Variants in LPGAT1 observed in about 807,000 individuals in gnomAD.
The protein encoded by LPGAT1 is lysophosphatidylglycerol acyltransferase 1.
A neutral mutation model predicts 47.5 loss-of-function variants in LPGAT1; 11 were observed. The ratio of observed to expected loss-of-function variants is 0.23; its 90% CI spans 0.15 to 0.38. The LOEUF (loss-of-function observed/expected upper bound fraction) is 0.38. Among genes scored for constraint, LPGAT1 ranks in the 10% least tolerant of loss-of-function variants. The probability of loss-of-function intolerance (pLI) is 1.00; values close to 1 mark genes in which losing one functional copy is unlikely to be tolerated. For synonymous variants in LPGAT1, 138 were observed against 144.2 expected (o/e 0.96, Z 0.31); for missense variants, 293 against 439.0 (o/e 0.67, Z 2.97).
chr1:211,793,101 G>C lies in LPGAT1; in HGVS notation c.328C>G (p.Leu110Val). ...CCTTTGTCCTGGAGGCACATCATCA[G>C]TGTGCACACATCTCCTGTTGCCTGA... ...NHQATGDVCT[L>V]MMCLQDKGLV... is the part of the protein sequence containing the mutation. Residue 110 changes from leucine (L) to valine (V), a missense_variant, in exon 3 of 8, where the codon CTG becomes GTG. By Grantham distance (32) the Leu-to-Val change is conservative. Coordinates refer to ENST00000366997, the MANE Select transcript of LPGAT1 (RefSeq NM_014873.3). 1 of 1,604,774 alleles carries C rather than the reference G, an allele frequency of 6.2e-7. No homozygotes were observed. Among genetic ancestry groups the C allele is most frequent in the Non-Finnish European group, 8.5e-7 (1 of 1,175,370 alleles).
chr1:211,813,526 C>A (rs146679789), intron 2 of LPGAT1, among the ~76,000 whole-genome samples: 1 of 151,920 alleles, frequency 6.6e-6, no homozygotes, highest in African/African-American at 2.4e-5. Flanking sequence ...GGTATTATGT[C>A]GGTACTTATG....
chr1:211,824,383 G>A (rs1190840146), intron 2 of LPGAT1, among the ~76,000 whole-genome samples: 1 of 152,098 alleles, frequency 6.6e-6, no homozygotes, highest in Non-Finnish European at 1.5e-5. Flanking sequence ...GCAATAGAGT[G>A]AGACTGTCTC....
At chr1:211,793,884 G>T (rs1355574533) in intron 2 of LPGAT1, among the ~76,000 whole-genome samples, 1 of 152,110 alleles carries the variant, frequency 6.6e-6, no homozygotes, top group African/African-American at 2.4e-5. Flanking sequence ...GATGTAATAG[G>T]AGAGTATAAA....
chr1:211,795,757 G>A (rs912125852), intron 2 of LPGAT1, among the ~76,000 whole-genome samples: 2 of 151,902 alleles, frequency 1.3e-5, no homozygotes, highest in Non-Finnish European at 2.9e-5. Context: ...GGAGACACAC[G>A]GACATACAAA....
chr1:211,753,459 A>AT (rs1657294536), intron 6 of LPGAT1, among the ~76,000 whole-genome samples: 1 of 151,338 alleles, frequency 6.6e-6, no homozygotes, highest in South Asian at 2.1e-4. Flanking sequence ...ATTGTATTTT[A>AT]TTTTTTTGCT....
intron 2 of LPGAT1, among the ~76,000 whole-genome samples, chr1:211,806,145 G>A (rs561272593): frequency 8.6e-5 from 13 of 151,756 alleles, no homozygotes; most frequent in Middle Eastern, 3.4e-3. Flanking sequence ...CTGTAGTCCC[G>A]GGTACTTGGG....
intron 2 of LPGAT1, among the ~76,000 whole-genome samples, chr1:211,801,256 A>G (rs1161744989): frequency 6.6e-6 from 1 of 152,192 alleles, no homozygotes; most frequent in Non-Finnish European, 1.5e-5. Context: ...TGGGGAGTCA[A>G]TGCAGGGATG....
intron 4 of LPGAT1, among the ~76,000 whole-genome samples, chr1:211,786,857 T>A (rs1488346312): frequency 6.6e-6 from 1 of 152,212 alleles, no homozygotes; most frequent in Non-Finnish European, 1.5e-5. Context: ...GTAATAGTGA[T>A]ACAATAGTAG....
At chr1:211,819,129 T>G (rs2102600161) in intron 2 of LPGAT1, among the ~76,000 whole-genome samples, 1 of 152,224 alleles carries the variant, frequency 6.6e-6, no homozygotes, top group Non-Finnish European at 1.5e-5. Context: ...TCTGGGAAAA[T>G]ACAGATAGCA....
intron 2 of LPGAT1, among the ~76,000 whole-genome samples, chr1:211,821,787 A>G (rs189046015): frequency 1.4e-4 from 21 of 152,326 alleles, no homozygotes; most frequent in Admixed American, 1.4e-3. Context: ...AGAACTAAGA[A>G]TATTAAAGTA....
chr1:211,829,772 G>T (rs1320898309), intron 1 of LPGAT1: 141 of 993,756 alleles, frequency 1.4e-4, no homozygotes, highest in Non-Finnish European at 1.6e-4. Context: ...TCACCACCAC[G>T]ATTCCTGCAC....
At chr1:211,771,917 C>T (rs1354124163) in intron 6 of LPGAT1, among the ~76,000 whole-genome samples, 1 of 152,118 alleles carries the variant, frequency 6.6e-6, no homozygotes, top group Non-Finnish European at 1.5e-5. Flanking sequence ...TAAGAGTCTC[C>T]TATATTTTCT....
chr1:211,826,649 G>A (rs1293818261), intron 2 of LPGAT1, among the ~76,000 whole-genome samples: 2 of 138,942 alleles, frequency 1.4e-5, no homozygotes, highest in African/African-American at 5.4e-5. Flanking sequence ...TACACGGAAT[G>A]TCATAATTTG....
intron 6 of LPGAT1, among the ~76,000 whole-genome samples, chr1:211,755,876 G>A (rs12092289): frequency 6.6e-5 from 10 of 152,250 alleles, no homozygotes; most frequent in East Asian, 3.9e-4. Context: ...ATATAAAAGC[G>A]TTTTGGTTGA....
At chr1:211,754,226 C>G (rs575901993) in intron 6 of LPGAT1, among the ~76,000 whole-genome samples, 1 of 152,092 alleles carries the variant, frequency 6.6e-6, no homozygotes, top group African/African-American at 2.4e-5. Flanking sequence ...GTAGGGGCTG[C>G]GGGATCTGCA....
chr1:211,805,125 AT>A (rs1185027013), intron 2 of LPGAT1, among the ~76,000 whole-genome samples: 13 of 151,764 alleles, frequency 8.6e-5, no homozygotes, highest in Non-Finnish European at 1.9e-4. Context: ...GAAAAAAAAA[AT>A]GGAGAAAATC....
chr1:211,752,335 A>T (rs1657224606), intron 6 of LPGAT1, among the ~76,000 whole-genome samples: 1 of 152,206 alleles, frequency 6.6e-6, no homozygotes, highest in African/African-American at 2.4e-5. Context: ...GCAGGTATAA[A>T]AATAAATAAA....
In LPGAT1 at chr1:211,810,524, C is replaced by T. The variant is rs75982122; in HGVS notation, c.239-17334G>A. On this transcript the variant is annotated intron_variant, in intron 2 of 7. Transcript: ENST00000366997. The stretch of plus-strand genomic sequence containing the variant: ...CATCATCATGTCAGCATCTCATATG[C>T]CCATCATCATGCCAGCATCTCACTT... 7.0e-4 allele frequency among the ~76,000 whole-genome samples: 106 copies of T among 152,176 alleles called. 1 individual carries two copies. The East Asian group carries it at 0.02, about 29-fold the overall frequency.
intron 2 of LPGAT1, among the ~76,000 whole-genome samples, chr1:211,807,460 GA>G (rs199536216): frequency 6.7e-6 from 1 of 149,340 alleles, no homozygotes; most frequent in Non-Finnish European, 1.5e-5. Flanking sequence ...AAATAACTTT[GA>G]AAAAAAAATA....
Sources: gnomAD v4.1 joint callset for allele counts (sites outside exome capture counted in the v4.1 genomes callset) on GRCh38, gnomAD v4.1.1 for gene constraint, MANE v1.5 for transcripts, NCBI Gene and HGNC (gene_info 2026-07-23, HGNC 2026-07-21) for gene names.